The following MCC variants were observed in gnomAD, a reference collection of about 807,000 sequenced individuals.
MCC encodes colorectal mutant cancer protein.
In MCC, 90 loss-of-function variants were observed where a neutral mutation model predicts 116.2. That is an observed-to-expected ratio of 0.77 (90% CI 0.65 to 0.92). The LOEUF (loss-of-function observed/expected upper bound fraction) is 0.92. MCC is among the 40% of genes least tolerant of loss of function. The probability of loss-of-function intolerance (pLI) is 0.00; values close to 1 mark genes in which losing one functional copy is unlikely to be tolerated. For missense variants in MCC, 1,516 were observed against 1,312.2 expected (o/e 1.16, Z -2.40); for synonymous variants, 578 against 510.5 (o/e 1.13, Z -1.78).
At chr5:113,392,653 A>G (rs1182451735) in intron 1 of MCC, among the ~76,000 whole-genome samples, 1 of 152,182 alleles carries the variant, frequency 6.6e-6, no homozygotes, top group Non-Finnish European at 1.5e-5. Flanking sequence ...GAGGTTAACA[A>G]TAATATTAAT....
chr5:113,275,445 GT>G (rs1765785800), intron 3 of MCC, among the ~76,000 whole-genome samples: 1 of 152,112 alleles, frequency 6.6e-6, no homozygotes, highest in Admixed American at 6.5e-5. Flanking sequence ...CTAGCAATGC[GT>G]AATTGTAGCA....
chr5:113,239,341 G>T (rs1362559245), intron 3 of MCC, among the ~76,000 whole-genome samples: 1 of 152,178 alleles, frequency 6.6e-6, no homozygotes, highest in Non-Finnish European at 1.5e-5. Context: ...GAGATAAATT[G>T]GGTAATAGGA....
chr5:113,426,465 C>T lies in MCC; in HGVS notation c.171-41253G>A, dbSNP rs117741369. ...ACACAATGTAATAGTATGCAGCCAA[C>T]GAAACAAACCCTGAAGGTTCTGGGA... is the stretch of plus-strand genomic sequence containing the variant. On this transcript the variant is annotated intron_variant, in intron 1 of 18. Transcript: ENST00000408903. Among the ~76,000 whole-genome samples the T allele has an allele frequency of 7.9e-5, 12 of 152,258 alleles. No homozygotes were observed. The East Asian group carries it at 1.5e-3, about 20-fold the overall frequency.
intron 1 of MCC, among the ~76,000 whole-genome samples, chr5:113,471,590 C>T (rs1160179488): frequency 3.3e-5 from 5 of 152,022 alleles, no homozygotes; most frequent in Admixed American, 3.3e-4. Context: ...CTGGGGGGTG[C>T]CTCCCAGTTA....
At chr5:113,402,922 C>T (rs1769733852) in intron 1 of MCC, among the ~76,000 whole-genome samples, 1 of 152,010 alleles carries the variant, frequency 6.6e-6, no homozygotes, top group Non-Finnish European at 1.5e-5. Context: ...AGCCTTCACA[C>T]CCAGATAATT....
At chr5:113,419,390 G>C (rs966173345) in intron 1 of MCC, among the ~76,000 whole-genome samples, 1 of 150,904 alleles carries the variant, frequency 6.6e-6, no homozygotes, top group African/African-American at 2.4e-5. Flanking sequence ...GTAGAGATGG[G>C]TCTCGTTATG....
chr5:113,058,372 G>T (rs899273895), intron 14 of MCC, among the ~76,000 whole-genome samples: 1 of 152,160 alleles, frequency 6.6e-6, no homozygotes, highest in Non-Finnish European at 1.5e-5. Context: ...CAGCACCTGG[G>T]GACTTGTTAG....
At chr5:113,452,029 T>C (rs1305233484) in intron 1 of MCC, among the ~76,000 whole-genome samples, 1 of 152,202 alleles carries the variant, frequency 6.6e-6, no homozygotes, top group Non-Finnish European at 1.5e-5. Context: ...ACTTCCGTTC[T>C]CCTCCACATG....
At chr5:113,368,242 T>G (rs1476156289) in intron 2 of MCC, among the ~76,000 whole-genome samples, 3 of 149,098 alleles carry the variant, frequency 2.0e-5, no homozygotes, top group African/African-American at 7.7e-5. Flanking sequence ...CTGTTTTGAT[T>G]TCCTCTCTGA....
intron 16 of MCC, among the ~76,000 whole-genome samples, chr5:113,046,685 C>CAAAAAAAAAAAAAAAAAAAAA (rs151183145): frequency 4.3e-4 from 25 of 58,386 alleles, no homozygotes; most frequent in East Asian, 1.5e-3. Context: ...ACTCAAAAGG[C>CAAAAAAAAAAAAAAAAAAAAA]AAAAAAAAAA....
chr5:113,429,619 C>G (rs1333297388), intron 1 of MCC, among the ~76,000 whole-genome samples: 2 of 152,078 alleles, frequency 1.3e-5, no homozygotes, highest in Non-Finnish European at 2.9e-5. Context: ...CCTTTTTCCC[C>G]CTCATTCAGT....
intron 10 of MCC, 126 bp downstream of exon 10, chr5:113,083,975 A>G: frequency 1.4e-6 from 1 of 690,938 alleles, no homozygotes; most frequent in Non-Finnish European, 2.5e-6. Flanking sequence ...GAAATCAGGT[A>G]TGATTTACTA....
chr5:113,240,952 T>A (rs1002742899), intron 3 of MCC, among the ~76,000 whole-genome samples: 1 of 152,178 alleles, frequency 6.6e-6, no homozygotes, highest in Non-Finnish European at 1.5e-5. Context: ...CTTTGCCCCA[T>A]TCCACAACAC....
intron 3 of MCC, among the ~76,000 whole-genome samples, chr5:113,164,234 A>G (rs1581184533): frequency 2.0e-5 from 3 of 152,320 alleles, no homozygotes; most frequent in East Asian, 3.9e-4. Flanking sequence ...CTATGTGCTA[A>G]AAAGCTCGGC....
At chr5:113,160,317 T>C (rs1291780615) in intron 3 of MCC, among the ~76,000 whole-genome samples, 2 of 152,156 alleles carry the variant, frequency 1.3e-5, no homozygotes, top group Admixed American at 1.3e-4. Context: ...CACAATCCCA[T>C]CCCATCTGTA....
intron 5 of MCC, among the ~76,000 whole-genome samples, chr5:113,139,448 T>A (rs1217131053): frequency 6.6e-6 from 1 of 152,116 alleles, no homozygotes; most frequent in African/African-American, 2.4e-5. Flanking sequence ...CCCTCCCTGG[T>A]CTAGAACCCT....
intron 16 of MCC, among the ~76,000 whole-genome samples, chr5:113,045,544 A>G (rs1752012825): frequency 6.6e-6 from 1 of 152,224 alleles, no homozygotes; most frequent in Admixed American, 6.5e-5. Flanking sequence ...TCACGCCTGT[A>G]ATCTCAGCAC....
chr5:113,380,499 C>CTCAT (rs113806132), intron 2 of MCC, among the ~76,000 whole-genome samples: 50,905 of 151,258 alleles, frequency 0.34, 9,634 homozygotes, highest in African/African-American at 0.51. Flanking sequence ...CAGTGCATTG[C>CTCAT]TCATTCATTC....
chr5:113,122,396 T>G (rs1757786794), intron 6 of MCC, among the ~76,000 whole-genome samples: 1 of 152,204 alleles, frequency 6.6e-6, no homozygotes, highest in South Asian at 2.1e-4. Context: ...AGTTCAGATA[T>G]TACTGTAATT....
Sources: gnomAD v4.1 joint callset for allele counts (sites outside exome capture counted in the v4.1 genomes callset) on GRCh38, gnomAD v4.1.1 for gene constraint, MANE v1.5 for transcripts, NCBI Gene and HGNC (gene_info 2026-07-23, HGNC 2026-07-21) for gene names.